Variants in ZBTB33 observed in about 807,000 individuals in gnomAD.
The protein encoded by ZBTB33 is transcriptional regulator Kaiso.
A neutral mutation model predicts 25.9 loss-of-function variants in ZBTB33; 11 were observed. That is an observed-to-expected ratio of 0.42 (90% CI 0.27 to 0.70). ZBTB33 has a LOEUF of 0.70. Among genes scored for constraint, ZBTB33 ranks in the 30% least tolerant of loss-of-function variants. The pLI, the probability that ZBTB33 is intolerant of heterozygous loss-of-function variation, is 0.23. For missense variants in ZBTB33, 343 were observed against 501.1 expected (o/e 0.68, Z 3.01); for synonymous variants, 157 against 184.8 (o/e 0.85, Z 1.22).
Position 120,256,754 on chromosome X carries a change from C to G in ZBTB33, c.*1320C>G, listed in dbSNP as rs1603398839. 1 of 120,532 alleles carries G rather than the reference C, an allele frequency of 8.3e-6. No homozygotes were observed. The highest frequency in any genetic ancestry group is 9.7e-5 in the Admixed American group (1 of 10,260). The allele number at this position is 120,532 out of a possible 1,213,427, so 9.9% of individuals were successfully genotyped here. The stretch of plus-strand genomic sequence containing the variant: ...AGGTTGGAACATACATATAGCCTAG[C>G]ATTTATAACAGAATTGTTGAACGTC... On this transcript the variant is annotated 3_prime_UTR_variant, in exon 3 of 3. Transcript: ENST00000557385.
chrX:120,251,777 T>C (rs917268517), intron 1 of ZBTB33, among the ~76,000 whole-genome samples: 4 of 112,266 alleles, frequency 3.6e-5, no homozygotes, highest in Middle Eastern at 4.6e-3. Flanking sequence ...CAGACCGACT[T>C]GTGCTGTCTC....
chrX:120,254,182 C>T lies in ZBTB33; in HGVS notation c.767C>T (p.Ala256Val). 1 of 1,211,835 alleles carries T rather than the reference C, an allele frequency of 8.3e-7. No homozygotes were observed. The highest frequency in any genetic ancestry group is 2.2e-5 in the Admixed American group (1 of 46,010). ...AAACTTCCTACTCCTGTGAATCAGG[C>T]AACTTTGAGCCAAACACAAGGAAGT... ...TQKLPTPVNQ[A>V]TLSQTQGSEK... The change falls in exon 3 of 3, where the codon GCA becomes GTA. Residue 256 changes from alanine to valine, a missense_variant. By Grantham distance (64) the Ala-to-Val change is moderately conservative (BLOSUM62 0). Around this residue, in one of 2 missense-constraint regions of ZBTB33, gnomAD observed 304 missense variants for 410.0 expected, o/e 0.74. Coordinates refer to ENST00000557385, the MANE Select transcript of ZBTB33 (RefSeq NM_001184742.2).
chrX:120,251,447 G>A (rs2057599635), intron 1 of ZBTB33, among the ~76,000 whole-genome samples: 1 of 108,364 alleles, frequency 9.2e-6, no homozygotes, highest in African/African-American at 3.4e-5. Flanking sequence ...TACTTTCCCT[G>A]GTACCCCATA....
rs17854233 is a variant in ZBTB33 at position 120,254,354 on chromosome X, G to A, written c.939G>A (p.Gln313=). The A allele has an allele frequency of 8.3e-7, 1 of 1,211,593 alleles. No homozygotes were observed. The highest frequency in any genetic ancestry group is 1.7e-5 in the African/African-American group (1 of 57,701). Residue 313 remains glutamine (Q), a synonymous_variant, in exon 3 of 3, where the codon CAG becomes CAA. Transcript: ENST00000557385. The part of the protein sequence containing the change: ...PSSINLLVQN[Q]QTPNSAILTG... ...CAATCAATTTACTTGTGCAGAATCA[G>A]CAGACACCAAACAGTGCTATTTTAA... is the stretch of plus-strand genomic sequence containing the variant.
At chrX:120,251,692 G>A (rs1360516902) in intron 1 of ZBTB33, among the ~76,000 whole-genome samples, 2 of 112,042 alleles carry the variant, frequency 1.8e-5, no homozygotes, top group African/African-American at 3.3e-5. Flanking sequence ...CCTCCGAACT[G>A]GCCCTCGGTC....
rs1556015870 is a variant in ZBTB33 at position 120,258,351 on chromosome X, T to C, written c.*2917T>C. 1 of 123,640 alleles carries C rather than the reference T, an allele frequency of 8.1e-6. No homozygotes were observed. The highest frequency in any genetic ancestry group is 1.9e-5 in the Non-Finnish European group (1 of 53,288). 10.2% of individuals were successfully genotyped at this position (123,640 alleles called of 1,213,427 possible). A position where few individuals can be genotyped will look rare whatever the true frequency, so the allele number is the denominator to read the frequency against. ...ACTTTTCATTAACCATGGCCTGATA[T>C]TAGTTCTTAGAGCTTCTTGTGGCAA... On this transcript the variant is annotated 3_prime_UTR_variant, in exon 3 of 3. Transcript: ENST00000557385.
intron 1 of ZBTB33, among the ~76,000 whole-genome samples, chrX:120,252,136 T>C (rs1421148838): frequency 9.0e-6 from 1 of 111,698 alleles, no homozygotes; most frequent in African/African-American, 3.3e-5. Flanking sequence ...TGTTTGTTCT[T>C]AAGGTATCAT....
At position 120,255,650 on chromosome X, in the gene ZBTB33, T is replaced by TA. The variant is rs1300163356; in HGVS notation, c.*217dup. On this transcript the variant is annotated 3_prime_UTR_variant, in exon 3 of 3. Transcript: ENST00000557385. The stretch of plus-strand genomic sequence containing the variant: ...CTCCCCAAGTATCTGTTTATATAGT[T>TA]AGTTTTCAGCTCATTTAAAAGAGGC... The TA allele has an allele frequency of 1.6e-5, 6 of 370,315 alleles. No individual in the cohort carries two copies. Among genetic ancestry groups the TA allele is most frequent in the African/African-American group, 2.6e-5 (1 of 38,476 alleles). 30.5% of individuals were successfully genotyped at this position (370,315 alleles called of 1,213,427 possible). A position where few individuals can be genotyped will look rare whatever the true frequency, so the allele number is the denominator to read the frequency against.
rs782441471 is a variant in ZBTB33 at position 120,253,772 on chromosome X, A to G, written c.357A>G (p.Pro119=). 4 of 1,209,890 alleles carry G rather than the reference A, an allele frequency of 3.3e-6. No homozygotes were observed. Among genetic ancestry groups the G allele is most frequent in the Non-Finnish European group, 4.5e-6 (4 of 895,299 alleles). The change falls in exon 3 of 3, where the codon CCA becomes CCG. Residue 119 remains proline, a synonymous_variant. Transcript: ENST00000557385. The part of the protein sequence containing the change: ...GVKFIAELGV[P]LSQVKSISGT... Reference sequence around the variant, plus strand: ...AATTTATAGCAGAGCTTGGTGTCCCATTGTCACAGGTTAAAAGCATCTCAG... The same window carrying G: ...AATTTATAGCAGAGCTTGGTGTCCCGTTGTCACAGGTTAAAAGCATCTCAG...
Position 120,253,894 on chromosome X carries a change from G to A in ZBTB33, c.479G>A (p.Gly160Glu), listed in dbSNP as rs2057616788. Residue 160 changes from glycine to glutamate, a missense_variant, in exon 3 of 3, where the codon GGG (glycine) becomes GAG (glutamate). Transcript: ENST00000557385. Reference sequence around the variant, plus strand: ...TCAAAAGATGAAGCCCAAGATAATGGGGCTACTATAATGCCTATTATAACA... The same window carrying A: ...TCAAAAGATGAAGCCCAAGATAATGAGGCTACTATAATGCCTATTATAACA... The part of the protein sequence containing the change: ...QKSKDEAQDN[G>E]ATIMPIITES... 1 of 1,208,933 alleles carries A rather than the reference G, an allele frequency of 8.3e-7. No homozygotes were observed. Among genetic ancestry groups the A allele is most frequent in the Non-Finnish European group, 1.1e-6 (1 of 894,982 alleles).
Position 120,253,969 on chromosome X carries a change from T to G in ZBTB33, c.554T>G (p.Val185Gly). ...AEDYEMKKII[V>G]TDSDDDDDDV... ...GATTATGAAATGAAAAAGATCATTG[T>G]TACCGATTCTGATGATGATGATGAT... The change falls in exon 3 of 3, where the codon GTT becomes GGT. Residue 185 changes from valine to glycine, a missense_variant. Around this residue, in one of 2 missense-constraint regions of ZBTB33, gnomAD observed 304 missense variants for 410.0 expected, o/e 0.74. Coordinates refer to ENST00000557385, the MANE Select transcript of ZBTB33 (RefSeq NM_001184742.2). 1 of 1,178,998 alleles carries G rather than the reference T, an allele frequency of 8.5e-7. No homozygotes were observed. Among genetic ancestry groups the G allele is most frequent in the Non-Finnish European group, 1.1e-6 (1 of 877,559 alleles).
Position 120,253,610 on chromosome X carries a change from G to A in ZBTB33, c.195G>A (p.Gly65=), listed in dbSNP as rs1556014690. ...TCCATCAGCTCTTCTCTGTTGCTGG[G>A]CAAGTTGTTGAACTGAGCTTTATAA... The part of the protein sequence containing the change: ...TYFHQLFSVA[G]QVVELSFIRA... Residue 65 remains glycine (G), a synonymous_variant, in exon 3 of 3, where the codon GGG becomes GGA. Coordinates refer to ENST00000557385, the MANE Select transcript of ZBTB33 (RefSeq NM_001184742.2). The A allele has an allele frequency of 2.5e-6, 3 of 1,210,669 alleles. No individual in the cohort carries two copies. Among genetic ancestry groups the A allele is most frequent in the African/African-American group, 1.7e-5 (1 of 57,301 alleles).
Position 120,255,140 on chromosome X carries a change from A to G in ZBTB33, c.1725A>G (p.Gln575=), listed in dbSNP as rs1294687906. The G allele has an allele frequency of 1.2e-5, 14 of 1,210,427 alleles. No individual in the cohort carries two copies. Among genetic ancestry groups the G allele is most frequent in the Middle Eastern group, 2.3e-4 (1 of 4,377 alleles). The stretch of plus-strand genomic sequence containing the variant: ...CACATATAAAGTCAGTTCATAGTCA[A>G]GATCCTTCTGGGGACTCAAAGCTTT... ...MSSHIKSVHS[Q]DPSGDSKLYR... Residue 575 remains glutamine, a synonymous_variant, in exon 3 of 3, where the codon CAA becomes CAG. Coordinates refer to ENST00000557385, the MANE Select transcript of ZBTB33 (RefSeq NM_001184742.2).
chrX:120,254,771 T>A lies in ZBTB33; in HGVS notation c.1356T>A (p.Pro452=), dbSNP rs372655083. The change falls in exon 3 of 3, where the codon CCT becomes CCA. Residue 452 remains proline (P), a synonymous_variant. Coordinates refer to ENST00000557385, the MANE Select transcript of ZBTB33 (RefSeq NM_001184742.2). ...TAGTGATCCCTGTCAAAGATGACCC[T>A]GATGAAGGGGAGGCCAGACTTGAGA... The part of the protein sequence containing the change: ...YDIVIPVKDD[P]DEGEARLENE... The A allele has an allele frequency of 5.8e-6, 7 of 1,209,950 alleles. No homozygotes were observed. Among genetic ancestry groups the A allele is most frequent in the Non-Finnish European group, 5.6e-6 (5 of 895,191 alleles).
Position 120,251,472 on chromosome X carries a change from A to T in ZBTB33, c.-105+495A>T, listed in dbSNP as rs782802231. On this transcript the variant is annotated intron_variant, in intron 1 of 2. Coordinates refer to ENST00000557385, the MANE Select transcript of ZBTB33 (RefSeq NM_001184742.2). The stretch of plus-strand genomic sequence containing the variant: ...GGTACCCCATATTCCTCCCGCCCTC[A>T]CTCTGCTGTTTGTACCTCCGTCTGT... Among the ~76,000 whole-genome samples the T allele has an allele frequency of 5.9e-5, 6 of 102,479 alleles. No homozygotes were observed. In the East Asian group the frequency reaches 1.6e-3, roughly 27 times the overall value. 89.0% of individuals were successfully genotyped at this position (102,479 alleles called of 115,157 possible). A position where few individuals can be genotyped will look rare whatever the true frequency, so the allele number is the denominator to read the frequency against.
chrX:120,253,078 C>T (rs1332905457), intron 2 of ZBTB33, among the ~76,000 whole-genome samples: 2 of 111,744 alleles, frequency 1.8e-5, no homozygotes, highest in African/African-American at 3.3e-5. Flanking sequence ...GGAGAGAAAA[C>T]CCAAAATTGG....
chrX:120,253,505 C>T lies in ZBTB33; in HGVS notation c.90C>T (p.Leu30=). ...TGAATGAGCAACGTGGCCATGGACT[C>T]TTCTGTGATGTTACCGTTATTGTGG... is the stretch of plus-strand genomic sequence containing the variant. ...NSLNEQRGHG[L]FCDVTVIVED... Residue 30 remains leucine (L), a synonymous_variant, in exon 3 of 3, where the codon CTC becomes CTT. Transcript: ENST00000557385. 8.3e-7 allele frequency: 1 copy of T among 1,210,435 alleles called. No individual in the cohort carries two copies. The highest frequency in any genetic ancestry group is 1.7e-5 in the African/African-American group (1 of 57,252).
Position 120,254,793 on chromosome X carries a change from G to C in ZBTB33, c.1378G>C (p.Glu460Gln), listed in dbSNP as rs782191030. 1.9e-5 allele frequency: 23 copies of C among 1,210,187 alleles called. No homozygotes were observed. The highest frequency in any genetic ancestry group is 1.9e-5 in the Non-Finnish European group (17 of 895,245). ...CCCTGATGAAGGGGAGGCCAGACTT[G>C]AGAATGAAATACCAAAAACGTCTGG... is the stretch of plus-strand genomic sequence containing the variant. The part of the protein sequence containing the change: ...DDPDEGEARL[E>Q]NEIPKTSGSE... The change falls in exon 3 of 3, where the codon GAG (glutamate) becomes CAG (glutamine). Residue 460 changes from glutamate (E) to glutamine (Q), a missense_variant. By Grantham distance (29) the Glu-to-Gln change is conservative. This residue lies in a region of ZBTB33 where 304 missense variants were observed against 410.0 expected (regional missense o/e 0.74). Transcript: ENST00000557385.
rs1021257596 is a variant in ZBTB33 at position 120,254,568 on chromosome X, C to A, written c.1153C>A (p.Leu385Ile). ...MQIPTLLQEP[L>I]SNSLKISDII... ...GATTCCTACACTTCTTCAAGAACCA[C>A]TTTCCAATTCCTTAAAAATTTCAGA... is the stretch of plus-strand genomic sequence containing the variant. The change falls in exon 3 of 3, where the codon CTT becomes ATT. Residue 385 changes from leucine (L) to isoleucine (I), a missense_variant. Physicochemically the swap from Leu to Ile is conservative, Grantham distance 5. Around this residue, in one of 2 missense-constraint regions of ZBTB33, gnomAD observed 304 missense variants for 410.0 expected, o/e 0.74. Coordinates refer to ENST00000557385, the MANE Select transcript of ZBTB33 (RefSeq NM_001184742.2). 12 of 1,209,564 alleles carry A rather than the reference C, an allele frequency of 9.9e-6. No homozygotes were observed. In the African/African-American group the frequency reaches 1.9e-4, roughly 19 times the overall value.
Sources: allele counts gnomAD v4.1 joint callset (sites outside exome capture counted in the v4.1 genomes callset), GRCh38; gene constraint gnomAD v4.1.1; regional missense constraint gnomAD v4.1.1; transcripts MANE v1.5; gene names NCBI Gene and HGNC (gene_info 2026-07-23, HGNC 2026-07-21).